Variants in SLC39A9 observed in about 807,000 individuals in gnomAD.
SLC39A9 encodes the protein solute carrier family 39 member 9, also known as zinc transporter ZIP9.
Under a neutral mutation model 28.4 loss-of-function variants are expected in SLC39A9, and 14 were observed. The ratio of observed to expected loss-of-function variants is 0.49; its 90% CI spans 0.33 to 0.77. The LOEUF (loss-of-function observed/expected upper bound fraction) is 0.77. Ranked by LOEUF, SLC39A9 falls within the 30% of genes least tolerant of loss-of-function variation. SLC39A9 has a pLI of 0.02. For synonymous variants in SLC39A9, 119 were observed against 149.6 expected, an observed-to-expected ratio of 0.80 and a Z score of 1.49; for missense variants, 283 against 381.1, an observed-to-expected ratio of 0.74 and a Z score of 2.14.
chr14:69,401,222 C>A (rs1191955294), intron 1 of SLC39A9, among the ~76,000 whole-genome samples: 3 of 152,138 alleles, frequency 2.0e-5, no homozygotes, highest in Admixed American at 6.5e-5. Context: ...TATTGTTGTT[C>A]TTTACCAGTA....
At chr14:69,436,918 A>G (rs535263418) in intron 2 of SLC39A9, among the ~76,000 whole-genome samples, 2 of 152,276 alleles carry the variant, frequency 1.3e-5, no homozygotes, top group South Asian at 4.1e-4. Flanking sequence ...GGTTTCCCCC[A>G]TACACTTCAG....
intron 3 of SLC39A9, among the ~76,000 whole-genome samples, chr14:69,451,650 G>C (rs1039134118): frequency 2.0e-5 from 3 of 152,186 alleles, no homozygotes; most frequent in African/African-American, 7.2e-5. Context: ...TTTGAAGACT[G>C]CCTGCATAGA....
intron 1 of SLC39A9, among the ~76,000 whole-genome samples, chr14:69,401,065 C>T (rs899875361): frequency 6.6e-6 from 1 of 151,846 alleles, no homozygotes; most frequent in Non-Finnish European, 1.5e-5. Flanking sequence ...TTGTTAGAAT[C>T]AGAAGAGAGG....
chr14:69,454,594 A>G (rs979232784), intron 4 of SLC39A9: 3 of 401,198 alleles, frequency 7.5e-6, no homozygotes, highest in African/African-American at 4.1e-5. Flanking sequence ...GCCAGATGCT[A>G]TGCTCTTTAC....
intron 1 of SLC39A9, among the ~76,000 whole-genome samples, chr14:69,420,981 G>A (rs1207562540): frequency 6.6e-6 from 1 of 152,220 alleles, no homozygotes; most frequent in Non-Finnish European, 1.5e-5. Context: ...CTGACCTTCT[G>A]AAGCCTACTT....
At chr14:69,453,971 C>T (rs535624210) in intron 4 of SLC39A9, among the ~76,000 whole-genome samples, 67 of 152,304 alleles carry the variant, frequency 4.4e-4, no homozygotes, top group African/African-American at 1.5e-3. Flanking sequence ...AGAGCCTTGG[C>T]GCTTCTGTCC....
rs1308808336 is a variant in SLC39A9 at position 69,399,014 on chromosome 14, C to T, written c.-356C>T. On this transcript the variant is annotated 5_prime_UTR_variant, in exon 1 of 7. Transcript: ENST00000336643. ...GTCACTTACCCGCCGCCGCCTAAGA[C>T]ATTGTGCCACCCTCAATCCGACAAT... The T allele has an allele frequency of 2.6e-5, 6 of 230,426 alleles. No homozygotes were observed. In the Admixed American group the frequency reaches 3.7e-4, roughly 14 times the overall value. 14.3% of individuals were successfully genotyped at this position (230,426 alleles called of 1,614,324 possible).
intron 4 of SLC39A9, among the ~76,000 whole-genome samples, chr14:69,453,540 G>A (rs1218791506): frequency 6.6e-6 from 1 of 152,040 alleles, no homozygotes; most frequent in African/African-American, 2.4e-5. Flanking sequence ...AAAAGAGAGA[G>A]AGGAACATAC....
intron 4 of SLC39A9, 39 bp downstream of exon 4, chr14:69,453,348 C>T (rs377107651): frequency 5.3e-5 from 84 of 1,570,764 alleles, no homozygotes; most frequent in African/African-American, 1.6e-4. Context: ...TGTTTTCTAT[C>T]GCACAGGGGA....
rs1886037729 is a variant in SLC39A9, at chr14:69,459,757, T to G, written c.*1164T>G. The G allele has an allele frequency of 1.0e-6, 1 of 985,208 alleles. No homozygotes were observed. The highest frequency in any genetic ancestry group is 4.7e-5 in the South Asian group (1 of 21,292). 61.0% of individuals were successfully genotyped at this position (985,208 alleles called of 1,614,324 possible). On this transcript the variant is annotated 3_prime_UTR_variant, in exon 7 of 7. Transcript: ENST00000336643. ...CTCTTCGTCTTTTCTTTGCTTTTCT[T>G]CTAACTTTTCCCTCTAGCCTCTCCT...
At chr14:69,421,658 C>A (rs1277509201) in intron 1 of SLC39A9, among the ~76,000 whole-genome samples, 1 of 152,190 alleles carries the variant, frequency 6.6e-6, no homozygotes, top group East Asian at 1.9e-4. Flanking sequence ...GTGGGCTCTA[C>A]CCAGTTCGAG....
In SLC39A9 at chr14:69,461,362, A is replaced by C. The variant is rs939904698; in HGVS notation, c.*2769A>C. The C allele has an allele frequency of 2.7e-6, 3 of 1,124,134 alleles. No individual in the cohort carries two copies. The highest frequency in any genetic ancestry group is 3.3e-6 in the Non-Finnish European group (3 of 912,982). 69.6% of individuals were successfully genotyped at this position (1,124,134 alleles called of 1,614,324 possible). A position where few individuals can be genotyped will look rare whatever the true frequency, so the allele number is the denominator to read the frequency against. On this transcript the variant is annotated 3_prime_UTR_variant, in exon 7 of 7. Coordinates refer to ENST00000336643, the MANE Select transcript of SLC39A9 (RefSeq NM_018375.5). ...AATTGCTTGTCAGTTCCATTTCAAG[A>C]AAGCAGTGATGTTCCAGGTTTGATT...
intron 3 of SLC39A9, among the ~76,000 whole-genome samples, chr14:69,449,103 C>T (rs755171695): frequency 1.6e-4 from 25 of 152,142 alleles, no homozygotes; most frequent in Non-Finnish European, 3.1e-4. Context: ...TGGTCTAGAA[C>T]GGTTTTTAAT....
At chr14:69,400,952 G>A (rs1882597717) in intron 1 of SLC39A9, among the ~76,000 whole-genome samples, 1 of 150,984 alleles carries the variant, frequency 6.6e-6, no homozygotes, top group Admixed American at 6.6e-5. Flanking sequence ...CCAGGAGTTG[G>A]CCTGGGCAAC....
chr14:69,445,482 A>T (rs1885251555), intron 3 of SLC39A9, among the ~76,000 whole-genome samples: 1 of 152,252 alleles, frequency 6.6e-6, no homozygotes, highest in Admixed American at 6.5e-5. Context: ...TAACAAATAA[A>T]ATACGTGTTA....
At chr14:69,456,209 T>C (rs570260219) in intron 6 of SLC39A9, among the ~76,000 whole-genome samples, 4 of 152,282 alleles carry the variant, frequency 2.6e-5, no homozygotes, top group Admixed American at 2.0e-4. Flanking sequence ...TAATGTGAGG[T>C]AGACACCTGA....
chr14:69,458,142 C>T (rs1885953050), intron 6 of SLC39A9, among the ~76,000 whole-genome samples: 1 of 152,120 alleles, frequency 6.6e-6, no homozygotes, highest in South Asian at 2.1e-4. Context: ...TGTTGATTTA[C>T]AATAAATTTT....
intron 1 of SLC39A9, among the ~76,000 whole-genome samples, chr14:69,418,085 T>C (rs1883673400): frequency 6.6e-6 from 1 of 152,148 alleles, no homozygotes. Flanking sequence ...GCCCATTCAG[T>C]GTGATATTGG....
intron 2 of SLC39A9, among the ~76,000 whole-genome samples, chr14:69,437,672 C>G (rs1884841102): frequency 6.6e-6 from 1 of 151,836 alleles, no homozygotes; most frequent in South Asian, 2.1e-4. Context: ...TCATTGCACC[C>G]TCCACCTCCC....
Sources: allele counts gnomAD v4.1 joint callset (sites outside exome capture counted in the v4.1 genomes callset), GRCh38; gene constraint gnomAD v4.1.1; transcripts MANE v1.5; gene names NCBI Gene and HGNC (gene_info 2026-07-23, HGNC 2026-07-21).